Variants in QSOX2 observed in about 807,000 individuals in gnomAD.
QSOX2 encodes sulfhydryl oxidase 2.
A neutral mutation model predicts 61.7 loss-of-function variants in QSOX2; 46 were observed. That is an observed-to-expected ratio of 0.75 (90% CI 0.59 to 0.95). The LOEUF (loss-of-function observed/expected upper bound fraction) is 0.95, where lower values mean the gene tolerates loss of function less well. QSOX2 is among the 40% of genes least tolerant of loss of function. The pLI is 0.00. For missense variants in QSOX2, 879 were observed against 918.9 expected, an observed-to-expected ratio of 0.96 and a Z score of 0.56; for synonymous variants, 383 against 388.4, an observed-to-expected ratio of 0.99 and a Z score of 0.16.
Position 136,235,718 on chromosome 9 carries a change from C to T in QSOX2, c.329-8844G>A, listed in dbSNP as rs1018376691. ...GAAGACCACCTGCTCCCCTCTCCCT[C>T]GCGCTGGGTCACACCCAGGCGACCC... is the stretch of plus-strand genomic sequence containing the variant. On this transcript the variant is annotated intron_variant, in intron 1 of 11. Transcript: ENST00000358701. Among the ~76,000 whole-genome samples the T allele has an allele frequency of 5.3e-5, 8 of 152,184 alleles. No homozygotes were observed. The East Asian group carries it at 5.8e-4, about 11-fold the overall frequency.
At chr9:136,229,542 G>C (rs1241274312) in intron 1 of QSOX2, among the ~76,000 whole-genome samples, 2 of 152,140 alleles carry the variant, frequency 1.3e-5, no homozygotes, top group Non-Finnish European at 2.9e-5. Context: ...TGCCCAGAAA[G>C]AACATGTAAC....
At chr9:136,229,527 CT>C (rs1329654617) in intron 1 of QSOX2, among the ~76,000 whole-genome samples, 1 of 152,192 alleles carries the variant, frequency 6.6e-6, no homozygotes, top group Non-Finnish European at 1.5e-5. Context: ...AAAAAAGCAC[CT>C]TTGTGCCCAG....
intron 1 of QSOX2, among the ~76,000 whole-genome samples, chr9:136,238,613 C>G (rs79032932): frequency 0.021 from 3,201 of 152,288 alleles, 102 homozygotes; most frequent in African/African-American, 0.073. Context: ...GCCCCTCAGG[C>G]CCCAGCTGCC....
intron 1 of QSOX2, among the ~76,000 whole-genome samples, chr9:136,244,590 T>A (rs1162591702): frequency 6.6e-6 from 1 of 152,210 alleles, no homozygotes; most frequent in East Asian, 1.9e-4. Context: ...CTGCCAAACC[T>A]CACTGGGTCG....
chr9:136,217,958 C>T (rs565955389), intron 8 of QSOX2, among the ~76,000 whole-genome samples: 3 of 152,400 alleles, frequency 2.0e-5, no homozygotes, highest in African/African-American at 7.2e-5. Flanking sequence ...TGTAAGTAAA[C>T]TCTATCCAAA....
chr9:136,239,494 T>C (rs1830417686), intron 1 of QSOX2, among the ~76,000 whole-genome samples: 1 of 152,240 alleles, frequency 6.6e-6, no homozygotes, highest in South Asian at 2.1e-4. Context: ...AAGCACAGGC[T>C]TCCTCAGGTG....
chr9:136,222,854 C>T lies in QSOX2; in HGVS notation c.675+909G>A, dbSNP rs968213468. ...CCCGAGACAGCAAGGGCACGAGGGGCCTTGGGACAGGGGTGAGGGGTCTGG... is the reference window on the plus strand; with the variant it reads ...CCCGAGACAGCAAGGGCACGAGGGGTCTTGGGACAGGGGTGAGGGGTCTGG... On this transcript the variant is annotated intron_variant, in intron 5 of 11. Coordinates refer to ENST00000358701, the MANE Select transcript of QSOX2 (RefSeq NM_181701.4). This position sits in a 1 kb window ranked among gnomAD's most constrained non-coding sequence, Gnocchi z 6.9. 1.3e-5 allele frequency among the ~76,000 whole-genome samples: 2 copies of T among 152,194 alleles called. No homozygotes were observed. Among genetic ancestry groups the T allele is most frequent in the African/African-American group, 2.4e-5 (1 of 41,444 alleles).
At chr9:136,233,408 C>G (rs1204269359) in intron 1 of QSOX2, among the ~76,000 whole-genome samples, 1 of 152,236 alleles carries the variant, frequency 6.6e-6, no homozygotes, top group East Asian at 1.9e-4. Flanking sequence ...TACTCTAGAT[C>G]TGGGGTCCTA....
intron 1 of QSOX2, among the ~76,000 whole-genome samples, chr9:136,233,976 G>A (rs1252419224): frequency 2.0e-5 from 3 of 152,234 alleles, no homozygotes; most frequent in Non-Finnish European, 2.9e-5. Flanking sequence ...GAAGTGACAC[G>A]GAACACGCCT....
rs140008320 is a variant in QSOX2, at chr9:136,215,192, A to G, written c.1322T>C (p.Val441Ala). 16 of 1,613,986 alleles carry G rather than the reference A, an allele frequency of 9.9e-6. No individual in the cohort carries two copies. Among genetic ancestry groups the G allele is most frequent in the Non-Finnish European group, 1.3e-5 (15 of 1,180,036 alleles). ...TGCATCTGGGTGGGTCGAGGCTTCA[A>G]CAGTCAAAGTGTGGAACAGTTTCCA... ...SLWKLFHTLT[V>A]EASTHPDALV... The change falls in exon 10 of 12, where the codon GTT becomes GCT. Residue 441 changes from valine (V) to alanine (A), a missense_variant. Coordinates refer to ENST00000358701, the MANE Select transcript of QSOX2 (RefSeq NM_181701.4).
chr9:136,209,222 G>C lies in QSOX2; in HGVS notation c.1603C>G (p.Leu535Val), dbSNP rs760804991. 12 of 1,614,070 alleles carry C rather than the reference G, an allele frequency of 7.4e-6. No homozygotes were observed. The South Asian group carries it at 8.8e-5, about 12-fold the overall frequency. ...ATTTCCTCATGGCAGGCTGGGCAGAGGTCCGGAGTGGGCCACTGAAGCTTT... is the reference window on the plus strand; with the variant it reads ...ATTTCCTCATGGCAGGCTGGGCAGACGTCCGGAGTGGGCCACTGAAGCTTT... ...FPKLQWPTPDLCPACHEEIKG... is the reference protein window; with the variant it reads ...FPKLQWPTPDVCPACHEEIKG... The change falls in exon 12 of 12, where the codon CTC becomes GTC. Residue 535 changes from leucine to valine, a missense_variant. Physicochemically the swap from Leu to Val is conservative, Grantham distance 32 (BLOSUM62 1). Transcript: ENST00000358701. This position sits in a 1 kb window ranked among gnomAD's most constrained non-coding sequence, Gnocchi z 5.6.
In QSOX2 at chr9:136,208,532, C is replaced by G; in HGVS notation, c.*196G>C. On this transcript the variant is annotated 3_prime_UTR_variant, in exon 12 of 12. Transcript: ENST00000358701. ...TACGCCAGGAATGCAAATATCCCCA[C>G]AAAATTACCCCGTGTTCTTCCCTTG... is the stretch of plus-strand genomic sequence containing the variant. 1 of 613,930 alleles carries G rather than the reference C, an allele frequency of 1.6e-6. No individual in the cohort carries two copies. The highest frequency in any genetic ancestry group is 1.8e-5 in the African/African-American group (1 of 54,214). 38.0% of individuals were successfully genotyped at this position (613,930 alleles called of 1,614,324 possible).
At chr9:136,239,603 C>T (rs1830418421) in intron 1 of QSOX2, among the ~76,000 whole-genome samples, 1 of 152,266 alleles carries the variant, frequency 6.6e-6, no homozygotes, top group South Asian at 2.1e-4. Flanking sequence ...CCTGCACACA[C>T]TGCAGGGCGA....
chr9:136,221,766 GGAGTTC>G lies in QSOX2; in HGVS notation c.821+24_821+29del, dbSNP rs1199760801. ...TCTGTCCGGTAACTCCGAGCGGCACGGAGTTCCCAGACCCCACCCGGGCACTCACAC... is the reference window on the plus strand; with the variant it reads ...TCTGTCCGGTAACTCCGAGCGGCACGCCAGACCCCACCCGGGCACTCACAC... On this transcript the variant is annotated intron_variant, in intron 6 of 11. Coordinates refer to ENST00000358701, the MANE Select transcript of QSOX2 (RefSeq NM_181701.4). This position sits in a 1 kb window ranked among gnomAD's most constrained non-coding sequence, Gnocchi z 4.5. 16 of 1,563,736 alleles carry G rather than the reference GGAGTTC, an allele frequency of 1.0e-5. No homozygotes were observed. The highest frequency in any genetic ancestry group is 1.1e-5 in the Non-Finnish European group (13 of 1,151,460).
At chr9:136,232,777 T>A (rs1047555937) in intron 1 of QSOX2, among the ~76,000 whole-genome samples, 2 of 151,316 alleles carry the variant, frequency 1.3e-5, no homozygotes, top group East Asian at 3.9e-4. Flanking sequence ...CTGCAAAAAA[T>A]TTTAAAATTA....
rs185889422 is a variant in QSOX2, at chr9:136,225,907, A to C, written c.429+867T>G. 3.3e-5 allele frequency among the ~76,000 whole-genome samples: 5 copies of C among 152,350 alleles called. No homozygotes were observed. The East Asian group carries it at 9.7e-4, about 29-fold the overall frequency. On this transcript the variant is annotated intron_variant, in intron 2 of 11. Transcript: ENST00000358701. ...GAAGCAAAATCAAAATACAACAGGA[A>C]GCCATGCTGACGTAATCACACGCAG...
chr9:136,218,662 C>T lies in QSOX2; in HGVS notation c.1086+17G>A, dbSNP rs756684580. On this transcript the variant is annotated intron_variant, in intron 8 of 11. Coordinates refer to ENST00000358701, the MANE Select transcript of QSOX2 (RefSeq NM_181701.4). ...GCCAAATTCCCACATGCAGCCCAGA[C>T]CAGCACCGTCCCAAACCTTGGCCAA... is the stretch of plus-strand genomic sequence containing the variant. 9.3e-6 allele frequency: 15 copies of T among 1,611,588 alleles called. No individual in the cohort carries two copies. Among genetic ancestry groups the T allele is most frequent in the Non-Finnish European group, 1.2e-5 (14 of 1,178,804 alleles).
Position 136,234,926 on chromosome 9 carries a change from C to T in QSOX2, c.329-8052G>A, listed in dbSNP as rs115580764. On this transcript the variant is annotated intron_variant, in intron 1 of 11. Coordinates refer to ENST00000358701, the MANE Select transcript of QSOX2 (RefSeq NM_181701.4). The stretch of plus-strand genomic sequence containing the variant: ...CAGTCATGTCTGGACTGTGTGACCC[C>T]CGCTCCCTTTACCGGGCTCGTTCCT... Among the ~76,000 whole-genome samples, 1,050 of 151,976 alleles carry T rather than the reference C, an allele frequency of 6.9e-3. 14 individuals are homozygous for T. Among genetic ancestry groups the T allele is most frequent in the African/African-American group, 0.024 (985 of 41,248 alleles).
At chr9:136,245,247 C>T (rs1468251858) in intron 1 of QSOX2, among the ~76,000 whole-genome samples, 2 of 152,136 alleles carry the variant, frequency 1.3e-5, no homozygotes, top group African/African-American at 4.8e-5. Flanking sequence ...CAGGATCTAA[C>T]GGGGATTAAC....
Sources: allele counts gnomAD v4.1 joint callset (sites outside exome capture counted in the v4.1 genomes callset), GRCh38; gene constraint gnomAD v4.1.1; non-coding constraint Gnocchi (gnomAD v3.1); transcripts MANE v1.5; gene names NCBI Gene and HGNC (gene_info 2026-07-23, HGNC 2026-07-21).